LAMC1: variants seen among roughly 807,000 people sequenced by gnomAD.
LAMC1 encodes laminin subunit gamma 1.
A neutral mutation model predicts 173.6 loss-of-function variants in LAMC1; 38 were observed. The observed-to-expected ratio is 0.22, with a 90% CI of 0.17 to 0.29. The LOEUF is 0.29. Among genes scored for constraint, LAMC1 ranks in the 10% least tolerant of loss-of-function variants. The probability of loss-of-function intolerance (pLI) is 1.00; values close to 1 mark genes in which losing one functional copy is unlikely to be tolerated. For missense variants in LAMC1, 1,824 were observed against 2,051.8 expected, an observed-to-expected ratio of 0.89 and a Z score of 2.14; for synonymous variants, 746 against 749.1, an observed-to-expected ratio of 1.00 and a Z score of 0.07.
At chr1:183,077,876 C>T (rs914977702) in intron 1 of LAMC1, among the ~76,000 whole-genome samples, 1 of 150,186 alleles carries the variant, frequency 6.7e-6, no homozygotes, top group Non-Finnish European at 1.5e-5. Flanking sequence ...GTGAATTGTG[C>T]TGTTATAAAA....
chr1:183,069,789 G>A (rs1654968453), intron 1 of LAMC1, among the ~76,000 whole-genome samples: 1 of 152,238 alleles, frequency 6.6e-6, no homozygotes, highest in African/African-American at 2.4e-5. Context: ...CCTGGCCCTG[G>A]CAGGTCTCTT....
chr1:183,076,381 G>A (rs953312923), intron 1 of LAMC1, among the ~76,000 whole-genome samples: 11 of 152,190 alleles, frequency 7.2e-5, no homozygotes, highest in Non-Finnish European at 1.6e-4. Flanking sequence ...ATTGTTAGCA[G>A]TAAGGAACAA....
At position 183,145,112 on chromosome 1, in the gene LAMC1, G is replaced by T. The variant is rs1657222521; in HGVS notation, c.*2322G>T. 1 of 152,096 alleles carries T rather than the reference G, an allele frequency of 6.6e-6. No homozygotes were observed. 9.4% of individuals were successfully genotyped at this position (152,096 alleles called of 1,614,324 possible). On this transcript the variant is annotated 3_prime_UTR_variant, in exon 28 of 28. Coordinates refer to ENST00000258341, the MANE Select transcript of LAMC1 (RefSeq NM_002293.4). ...GAAGATTGACTGCCAAGCTAGTTTGGGTGAAGTTCACTCCAGCAAGTCTCA... is the reference window on the plus strand; with the variant it reads ...GAAGATTGACTGCCAAGCTAGTTTGTGTGAAGTTCACTCCAGCAAGTCTCA...
At chr1:183,039,714 C>T (rs1021894046) in intron 1 of LAMC1, among the ~76,000 whole-genome samples, 5 of 152,108 alleles carry the variant, frequency 3.3e-5, no homozygotes, top group Non-Finnish European at 7.4e-5. Flanking sequence ...GCTTTTATGT[C>T]CTGGCACAGA....
At chr1:183,036,139 C>A (rs570685539) in intron 1 of LAMC1, among the ~76,000 whole-genome samples, 1 of 150,432 alleles carries the variant, frequency 6.6e-6, no homozygotes, top group Non-Finnish European at 1.5e-5. Context: ...TGCTCTATCT[C>A]CCAGGCTGGA....
chr1:183,131,833 T>C (rs1248617877), intron 20 of LAMC1, among the ~76,000 whole-genome samples: 1 of 152,230 alleles, frequency 6.6e-6, no homozygotes, highest in Non-Finnish European at 1.5e-5. Context: ...TTCTGAAGAA[T>C]TATAAACATT....
At chr1:183,136,835 T>G (rs556797377) in intron 25 of LAMC1, among the ~76,000 whole-genome samples, 1 of 152,216 alleles carries the variant, frequency 6.6e-6, no homozygotes, top group Admixed American at 6.5e-5. Flanking sequence ...GAGGTCTGGC[T>G]TCAGAGGTCT....
At chr1:183,124,992 C>A (rs1489960605) in intron 14 of LAMC1, 116 bp downstream of exon 14, 6 of 1,345,780 alleles carry the variant, frequency 4.5e-6, no homozygotes, top group African/African-American at 1.5e-5. Context: ...CATTGTGAAC[C>A]GCTTTTGTCT....
At chr1:183,124,331 AC>A (rs1656563883) in intron 13 of LAMC1, among the ~76,000 whole-genome samples, 1 of 152,232 alleles carries the variant, frequency 6.6e-6, no homozygotes, top group Admixed American at 6.5e-5. Context: ...AAGTTTATAA[AC>A]CTTGGGCTTG....
At chr1:183,065,455 T>G (rs1467419259) in intron 1 of LAMC1, among the ~76,000 whole-genome samples, 1 of 152,194 alleles carries the variant, frequency 6.6e-6, no homozygotes, top group Non-Finnish European at 1.5e-5. Flanking sequence ...TAGGTTGCAG[T>G]TTGGAAGCAG....
intron 25 of LAMC1, among the ~76,000 whole-genome samples, 189 bp downstream of exon 25, chr1:183,136,774 G>A (rs1437400541): frequency 6.7e-6 from 1 of 148,722 alleles, no homozygotes; most frequent in East Asian, 2.0e-4. Flanking sequence ...TTGAGGAGGG[G>A]AACTCAGTAA....
At chr1:183,138,779 C>T (rs1478482837) in intron 26 of LAMC1, among the ~76,000 whole-genome samples, 6 of 152,084 alleles carry the variant, frequency 3.9e-5, no homozygotes, top group South Asian at 2.1e-4. Context: ...GGTGTCTGGG[C>T]GCAGTGGTTC....
chr1:183,079,666 C>T (rs758701663), intron 1 of LAMC1, among the ~76,000 whole-genome samples: 63 of 152,238 alleles, frequency 4.1e-4, no homozygotes, highest in Middle Eastern at 3.4e-3. Context: ...ACAAAAATAG[C>T]TTTCATTGAA....
chr1:183,113,579 C>T (rs1379521742), intron 4 of LAMC1, among the ~76,000 whole-genome samples: 1 of 151,886 alleles, frequency 6.6e-6, no homozygotes, highest in Non-Finnish European at 1.5e-5. Context: ...ATGGTTGTGC[C>T]CTGCAGGGAA....
chr1:183,024,182 G>C, intron 1 of LAMC1, 48 bp downstream of exon 1: 1 of 1,492,530 alleles, frequency 6.7e-7, no homozygotes, highest in Non-Finnish European at 9.0e-7. Context: ...CAGCAGCCCA[G>C]CTCCCGGACC....
At chr1:183,076,827 C>G (rs538457529) in intron 1 of LAMC1, among the ~76,000 whole-genome samples, 1 of 152,100 alleles carries the variant, frequency 6.6e-6, no homozygotes, top group Admixed American at 6.6e-5. Context: ...CACTGGCACT[C>G]AAAACATTTG....
chr1:183,108,059 C>T (rs541720783), intron 2 of LAMC1, among the ~76,000 whole-genome samples: 1 of 152,040 alleles, frequency 6.6e-6, no homozygotes, highest in South Asian at 2.1e-4. Context: ...TTTTTGGAGA[C>T]TCCGAGTAGT....
intron 1 of LAMC1, among the ~76,000 whole-genome samples, chr1:183,028,464 T>A (rs572696541): frequency 9.5e-4 from 144 of 152,336 alleles, no homozygotes; most frequent in Non-Finnish European, 1.3e-3. Flanking sequence ...GGTGTCTATA[T>A]AATATTTTAC....
intron 11 of LAMC1, among the ~76,000 whole-genome samples, chr1:183,119,134 T>C (rs1325830697): frequency 6.6e-6 from 1 of 152,076 alleles, no homozygotes; most frequent in Non-Finnish European, 1.5e-5. Context: ...TGACCTCAGG[T>C]GATCCCCCTG....
Sources: gnomAD v4.1 joint callset for allele counts (sites outside exome capture counted in the v4.1 genomes callset) on GRCh38, gnomAD v4.1.1 for gene constraint, MANE v1.5 for transcripts, NCBI Gene and HGNC (gene_info 2026-07-23, HGNC 2026-07-21) for gene names.